The following PRH1 variants were observed in gnomAD, a reference collection of about 807,000 sequenced individuals.
PRH1 encodes the protein proline rich protein HaeIII subfamily 1.
A neutral mutation model predicts 7.9 loss-of-function variants in PRH1; 7 were observed. That is an observed-to-expected ratio of 0.89 (90% CI 0.50 to 1.67). The LOEUF (loss-of-function observed/expected upper bound fraction) is 1.67. Ranked by LOEUF, PRH1 falls within the 40% of genes most tolerant of loss-of-function variation. The pLI is 0.00. For synonymous variants in PRH1, 45 were observed against 80.8 expected (o/e 0.56, Z 2.38); for missense variants, 109 against 223.6 (o/e 0.49, Z 3.27).
chr12:11,044,573 A>G (rs1942838991), intron 1 of PRH1, among the ~76,000 whole-genome samples: 1 of 152,194 alleles, frequency 6.6e-6, no homozygotes, highest in Non-Finnish European at 1.5e-5. Flanking sequence ...AGAATATAAA[A>G]GGAGCTTTAA....
intron 2 of PRH1, among the ~76,000 whole-genome samples, chr12:10,914,198 GA>G (rs1157045349): frequency 2.6e-5 from 4 of 151,550 alleles, no homozygotes; most frequent in Non-Finnish European, 5.9e-5. Flanking sequence ...TGTAACTCTA[GA>G]AAAAAAATAT....
intron 1 of PRH1, among the ~76,000 whole-genome samples, chr12:11,029,312 A>C (rs1591841444): frequency 6.6e-6 from 1 of 152,414 alleles, no homozygotes; most frequent in East Asian, 1.9e-4. Flanking sequence ...ATTGATGACA[A>C]AATTACAACG....
intron 1 of PRH1, among the ~76,000 whole-genome samples, chr12:11,168,219 A>C (rs1476267144): frequency 1.9e-4 from 1 of 5,248 alleles, no homozygotes; most frequent in African/African-American, 3.6e-4. Flanking sequence ...GAAAGAAGAA[A>C]GAAAGAAAGA....
chr12:11,033,929 T>A (rs12822049), intron 1 of PRH1, among the ~76,000 whole-genome samples: 1 of 151,518 alleles, frequency 6.6e-6, no homozygotes, highest in African/African-American at 2.4e-5. Flanking sequence ...AAGGAACACC[T>A]AAAACAGGCT....
intron 1 of PRH1, among the ~76,000 whole-genome samples, chr12:11,008,003 T>C (rs1480500119): frequency 6.6e-6 from 1 of 151,660 alleles, no homozygotes; most frequent in Non-Finnish European, 1.5e-5. Context: ...GCCAAGAGAG[T>C]GGGAAATATG....
In PRH1 at chr12:11,001,820, C is replaced by T. The variant is rs536209780; in HGVS notation, c.-125-28099G>A. ...AGTAGAAGTACACGTATCAAATTTC[C>T]ATAAATAAACTTTGCAATATAAACG... is the stretch of plus-strand genomic sequence containing the variant. On this transcript the variant is annotated intron_variant, in intron 1 of 3. Coordinates refer to the PRH1 transcript ENST00000539853. Among the ~76,000 whole-genome samples the T allele has an allele frequency of 8.5e-5, 13 of 152,112 alleles. No individual in the cohort carries two copies. In the South Asian group the frequency reaches 2.7e-3, roughly 32 times the overall value.
At chr12:10,933,106 G>A (rs1950237017) in intron 2 of PRH1, among the ~76,000 whole-genome samples, 1 of 152,054 alleles carries the variant, frequency 6.6e-6, no homozygotes, top group Non-Finnish European at 1.5e-5. Flanking sequence ...AAGAATAAGG[G>A]AAACAGATAA....
At chr12:11,000,077 A>G (rs1940510138) in intron 1 of PRH1, among the ~76,000 whole-genome samples, 1 of 152,120 alleles carries the variant, frequency 6.6e-6, no homozygotes, top group Non-Finnish European at 1.5e-5. Context: ...TTATGGGGTC[A>G]TTAAATGTGG....
chr12:10,949,499 A>C (rs1186857834), intron 2 of PRH1, among the ~76,000 whole-genome samples: 2 of 152,194 alleles, frequency 1.3e-5, no homozygotes, highest in Non-Finnish European at 2.9e-5. Context: ...TTCTTTTAAA[A>C]ATTAATTTAA....
intron 1 of PRH1, among the ~76,000 whole-genome samples, chr12:11,142,873 G>A (rs761174563): frequency 1.3e-5 from 2 of 152,082 alleles, no homozygotes; most frequent in African/African-American, 2.4e-5. Flanking sequence ...AAACATGAAA[G>A]AGAAAGACTT....
chr12:11,087,877 T>A (rs1479629365), intron 1 of PRH1, among the ~76,000 whole-genome samples: 2 of 110,918 alleles, frequency 1.8e-5, no homozygotes, highest in African/African-American at 3.0e-5. Context: ...TTACCGGGCT[T>A]GTGATTTGGT....
chr12:10,994,371 C>T (rs542556108), intron 1 of PRH1, among the ~76,000 whole-genome samples: 4 of 152,290 alleles, frequency 2.6e-5, no homozygotes, highest in South Asian at 2.1e-4. Flanking sequence ...ATATATTCTC[C>T]GTCCTCTGTT....
At chr12:11,114,513 G>T (rs1030482652) in intron 1 of PRH1, among the ~76,000 whole-genome samples, 1 of 152,176 alleles carries the variant, frequency 6.6e-6, no homozygotes, top group African/African-American at 2.4e-5. Context: ...CTTTTAGGGT[G>T]AGGGGGGCTA....
intron 1 of PRH1, among the ~76,000 whole-genome samples, chr12:10,977,993 T>G (rs994182144): frequency 3.3e-5 from 5 of 151,618 alleles, no homozygotes; most frequent in Admixed American, 2.0e-4. Flanking sequence ...CTAAAGCAAT[T>G]TACAGATTCA....
chr12:11,131,595 CAA>C (rs927959594), intron 1 of PRH1, among the ~76,000 whole-genome samples: 2 of 152,222 alleles, frequency 1.3e-5, no homozygotes, highest in African/African-American at 4.8e-5. Flanking sequence ...GCAAATAGAC[CAA>C]AGTCTTTTAT....
intron 1 of PRH1, among the ~76,000 whole-genome samples, chr12:11,019,631 C>T (rs1394483570): frequency 1.3e-5 from 2 of 152,220 alleles, no homozygotes; most frequent in African/African-American, 2.4e-5. Flanking sequence ...TATATGATAA[C>T]CAGCTAGAAA....
intron 1 of PRH1, among the ~76,000 whole-genome samples, chr12:10,992,902 C>T (rs1427654196): frequency 6.6e-6 from 1 of 152,126 alleles, no homozygotes; most frequent in Non-Finnish European, 1.5e-5. Context: ...GTAAGTAGGA[C>T]CAAAAAGAGT....
intron 1 of PRH1, among the ~76,000 whole-genome samples, chr12:11,042,594 GAGAAA>G (rs1268239332): frequency 1.5e-5 from 2 of 136,946 alleles, no homozygotes; most frequent in African/African-American, 2.7e-5. Context: ...TGAAAAAATA[GAGAAA>G]GAGGGACTAC....
chr12:11,079,811 C>T (rs1170941965), intron 1 of PRH1, among the ~76,000 whole-genome samples: 1 of 115,832 alleles, frequency 8.6e-6, no homozygotes, highest in South Asian at 2.3e-4. Flanking sequence ...AAAGTTTCTA[C>T]TTAAAATCGC....
Sources: gnomAD v4.1 joint callset for allele counts (sites outside exome capture counted in the v4.1 genomes callset) on GRCh38, gnomAD v4.1.1 for gene constraint, MANE v1.5 for transcripts, NCBI Gene and HGNC (gene_info 2026-07-23, HGNC 2026-07-21) for gene names.